The following AKAP13 variants were observed in gnomAD, a reference collection of about 807,000 sequenced individuals.
AKAP13 encodes the protein A-kinase anchor protein 13.
A neutral mutation model predicts 264.5 loss-of-function variants in AKAP13; 80 were observed. That is an observed-to-expected ratio of 0.30 (90% CI 0.25 to 0.36). The LOEUF is 0.36. Ranked by LOEUF, AKAP13 falls within the 10% of genes least tolerant of loss-of-function variation. The pLI, the probability that AKAP13 is intolerant of heterozygous loss-of-function variation, is 1.00. For missense variants in AKAP13, 3,712 were observed against 3,435.2 expected (o/e 1.08, Z -2.01); for synonymous variants, 1,380 against 1,250.2 (o/e 1.10, Z -2.19).
At chr15:85,475,995 T>A (rs2075150715) in intron 1 of AKAP13, among the ~76,000 whole-genome samples, 1 of 151,958 alleles carries the variant, frequency 6.6e-6, no homozygotes, top group Non-Finnish European at 1.5e-5. Context: ...AAAAACAAGT[T>A]GGGGAGAGAA....
Position 85,579,076 on chromosome 15 carries a change from T to C in AKAP13, c.1008T>C (p.Thr336=). Residue 336 remains threonine (T), a synonymous_variant, in exon 7 of 37, where the codon ACT becomes ACC. Transcript: ENST00000394518. ...AGCGACTTTCTTCTTCTGAAGAGAC[T>C]GAGAGCACTCAGTGCTGCCCAGGGA... ...DPQRLSSSEE[T]ESTQCCPGSP... 2 of 1,614,144 alleles carry C rather than the reference T, an allele frequency of 1.2e-6. No individual in the cohort carries two copies. The highest frequency in any genetic ancestry group is 1.7e-6 in the Non-Finnish European group (2 of 1,180,034).
intron 12 of AKAP13, among the ~76,000 whole-genome samples, chr15:85,661,454 C>T (rs1418755231): frequency 2.6e-5 from 4 of 152,230 alleles, no homozygotes; most frequent in African/African-American, 9.6e-5. Flanking sequence ...TGCGGTGGCT[C>T]AAGCCTATAA....
chr15:85,665,577 G>A (rs1034883235), intron 13 of AKAP13, among the ~76,000 whole-genome samples: 13 of 152,030 alleles, frequency 8.6e-5, no homozygotes, highest in African/African-American at 2.7e-4. Flanking sequence ...TGTGCACAAC[G>A]TGCAGGTTTG....
chr15:85,723,465 T>G, intron 26 of AKAP13, 145 bp downstream of exon 26: 1 of 1,170,172 alleles, frequency 8.5e-7, no homozygotes, highest in East Asian at 2.6e-5. Context: ...CATTTAGTTC[T>G]TCGTAATCTT....
Position 85,684,964 on chromosome 15 carries a change from C to A in AKAP13, c.5289+91C>A, listed in dbSNP as rs537565834. 6.3e-5 allele frequency: 87 copies of A among 1,387,800 alleles called. No individual in the cohort carries two copies. The African/African-American group carries it at 8.9e-4, about 14-fold the overall frequency. The allele number at this position is 1,387,800 out of a possible 1,614,324, so 86.0% of individuals were successfully genotyped here. A position where few individuals can be genotyped will look rare whatever the true frequency, so the allele number is the denominator to read the frequency against. On this transcript the variant is annotated intron_variant, in intron 16 of 36. Coordinates refer to ENST00000394518, the MANE Select transcript of AKAP13 (RefSeq NM_007200.5). The stretch of plus-strand genomic sequence containing the variant: ...ACCAAAACTGGTTAAATCATGGGGA[C>A]ATAAATGGAAATAAATTCAGGATTA...
At chr15:85,385,449 A>G (rs937195616) in intron 1 of AKAP13, among the ~76,000 whole-genome samples, 1 of 152,134 alleles carries the variant, frequency 6.6e-6, no homozygotes, top group African/African-American at 2.4e-5. Flanking sequence ...CTGAGTTTTG[A>G]CAGGTGTATA....
chr15:85,466,605 T>C (rs1184811047), intron 1 of AKAP13, among the ~76,000 whole-genome samples: 1 of 152,228 alleles, frequency 6.6e-6, no homozygotes, highest in Non-Finnish European at 1.5e-5. Context: ...ATTTATTAAA[T>C]AGGGAAGGAT....
intron 5 of AKAP13, among the ~76,000 whole-genome samples, chr15:85,553,768 G>A (rs980700927): frequency 2.6e-5 from 4 of 152,162 alleles, no homozygotes; most frequent in African/African-American, 4.8e-5. Context: ...AGTGTCAGGC[G>A]GGCGAGCGAG....
At chr15:85,383,532 A>C (rs935168604) in intron 1 of AKAP13, among the ~76,000 whole-genome samples, 4 of 152,304 alleles carry the variant, frequency 2.6e-5, no homozygotes, top group Admixed American at 2.6e-4. Context: ...GATGCTTCTG[A>C]GTGTAGAGGT....
At chr15:85,743,967 C>G in intron 36 of AKAP13, 142 bp downstream of exon 36, 1 of 976,258 alleles carries the variant, frequency 1.0e-6, no homozygotes, top group Non-Finnish European at 1.5e-6. Context: ...TTCACCAGCT[C>G]CGCTTGCTAA....
At chr15:85,654,482 T>A (rs1011603705) in intron 10 of AKAP13, among the ~76,000 whole-genome samples, 2 of 152,152 alleles carry the variant, frequency 1.3e-5, no homozygotes, top group African/African-American at 4.8e-5. Context: ...TTCATTGCAG[T>A]TGGTGATATT....
chr15:85,534,998 ATGT>A (rs2151193905), intron 4 of AKAP13: 1 of 152,326 alleles, frequency 6.6e-6, no homozygotes, highest in Non-Finnish European at 1.5e-5. Flanking sequence ...TGGAAGCCTG[ATGT>A]TAGAGCTCCT....
At chr15:85,602,520 T>C (rs1031295954) in intron 8 of AKAP13, among the ~76,000 whole-genome samples, 1 of 151,928 alleles carries the variant, frequency 6.6e-6, no homozygotes, top group Non-Finnish European at 1.5e-5. Flanking sequence ...GGAGTCTTGC[T>C]CTGTCACCCA....
chr15:85,392,239 G>A (rs541314319), intron 1 of AKAP13, among the ~76,000 whole-genome samples: 1 of 148,358 alleles, frequency 6.7e-6, no homozygotes, highest in Non-Finnish European at 1.5e-5. Flanking sequence ...TTAAAAATGT[G>A]AGCCCTTAAT....
At chr15:85,697,236 T>G (rs549326633) in intron 17 of AKAP13, among the ~76,000 whole-genome samples, 1 of 151,990 alleles carries the variant, frequency 6.6e-6, no homozygotes, top group Admixed American at 6.6e-5. Flanking sequence ...TAAACCACCA[T>G]GAGGAAGAAT....
At chr15:85,485,398 A>G (rs375287571) in intron 1 of AKAP13, among the ~76,000 whole-genome samples, 27 of 152,300 alleles carry the variant, frequency 1.8e-4, no homozygotes, top group African/African-American at 4.6e-4. Flanking sequence ...TGAACATACA[A>G]TGGTTTTGCT....
intron 4 of AKAP13, among the ~76,000 whole-genome samples, chr15:85,541,828 C>T (rs553352545): frequency 6.6e-6 from 1 of 152,204 alleles, no homozygotes; most frequent in Non-Finnish European, 1.5e-5. Flanking sequence ...AAAGGGTCTA[C>T]ACAAAAGCAG....
chr15:85,673,427 A>G (rs1220956419), intron 14 of AKAP13, among the ~76,000 whole-genome samples: 4 of 152,084 alleles, frequency 2.6e-5, no homozygotes, highest in Non-Finnish European at 4.4e-5. Context: ...AGGGGGTCGC[A>G]GTAGCACAGG....
intron 1 of AKAP13, among the ~76,000 whole-genome samples, chr15:85,422,077 T>C (rs933277943): frequency 6.6e-6 from 1 of 152,216 alleles, no homozygotes; most frequent in Non-Finnish European, 1.5e-5. Flanking sequence ...TCTATCATGA[T>C]CTCTCTTGGC....
Sources: gnomAD v4.1 joint callset for allele counts (sites outside exome capture counted in the v4.1 genomes callset) on GRCh38, gnomAD v4.1.1 for gene constraint, MANE v1.5 for transcripts, NCBI Gene and HGNC (gene_info 2026-07-23, HGNC 2026-07-21) for gene names.